PRH1: variants seen among roughly 807,000 people sequenced by gnomAD.
PRH1 encodes the protein proline rich protein HaeIII subfamily 1.
PRH1 carries 7 observed loss-of-function variants against 7.9 expected under a neutral mutation model. The observed-to-expected ratio is 0.89, with a 90% CI of 0.50 to 1.67. The LOEUF (loss-of-function observed/expected upper bound fraction) is 1.67, where lower values mean the gene tolerates loss of function less well. Among genes scored for constraint, PRH1 ranks in the 40% most tolerant of loss-of-function variants. PRH1 has a pLI of 0.00. For missense variants in PRH1, 109 were observed against 223.6 expected, an observed-to-expected ratio of 0.49 and a Z score of 3.27; for synonymous variants, 45 against 80.8, an observed-to-expected ratio of 0.56 and a Z score of 2.38.
chr12:10,945,384 G>C (rs914222392), intron 2 of PRH1, among the ~76,000 whole-genome samples: 2 of 152,132 alleles, frequency 1.3e-5, no homozygotes, highest in Non-Finnish European at 1.5e-5. Flanking sequence ...GTACAAAAGA[G>C]AGAAATTTTA....
chr12:11,044,823 G>C (rs1054313901), intron 1 of PRH1, among the ~76,000 whole-genome samples: 2 of 152,176 alleles, frequency 1.3e-5, no homozygotes, highest in African/African-American at 4.8e-5. Context: ...TGGTGAAGAT[G>C]TGGAGAAACG....
At chr12:10,895,651 A>T (rs1012138818) in intron 2 of PRH1, 1 of 152,180 alleles carries the variant, frequency 6.6e-6, no homozygotes, top group Admixed American at 6.5e-5. Flanking sequence ...GATTCTTAGA[A>T]TCAGGCATTT....
At chr12:10,963,912 G>A (rs1409664584) in intron 2 of PRH1, among the ~76,000 whole-genome samples, 2 of 152,060 alleles carry the variant, frequency 1.3e-5, no homozygotes, top group East Asian at 1.9e-4. Context: ...CTACCCCAAA[G>A]ATAAAACTTC....
At chr12:11,070,438 C>CGTGGG (rs1565619688) in intron 1 of PRH1, among the ~76,000 whole-genome samples, 20 of 65,972 alleles carry the variant, frequency 3.0e-4, no homozygotes, top group Admixed American at 8.2e-4. Flanking sequence ...CACAAGACCC[C>CGTGGG]AGAAGTATAC....
intron 1 of PRH1, among the ~76,000 whole-genome samples, chr12:11,103,132 G>C (rs1216937912): frequency 6.6e-6 from 1 of 152,158 alleles, no homozygotes. Flanking sequence ...AGACAGTGTG[G>C]CGATTCCTCA....
chr12:11,020,088 G>T (rs1941521698), intron 1 of PRH1, among the ~76,000 whole-genome samples: 1 of 152,230 alleles, frequency 6.6e-6, no homozygotes, highest in South Asian at 2.1e-4. Flanking sequence ...CCAAACTTTT[G>T]CTCTGAGAAA....
chr12:11,097,656 T>C lies in PRH1; in HGVS notation n.124-50468A>G, dbSNP rs1471543844. On this transcript the variant is annotated intron_variant and non_coding_transcript_variant, in intron 1 of 4. Transcript: ENST00000541977. ...TATTGTAACTTTCCCACAATGATGATCTTTTTAAAATTACTTATTTTCCAA... is the reference window on the plus strand; with the variant it reads ...TATTGTAACTTTCCCACAATGATGACCTTTTTAAAATTACTTATTTTCCAA... Among the ~76,000 whole-genome samples the C allele has an allele frequency of 3.5e-5, 4 of 114,580 alleles. 1 individual carries two copies. The highest frequency in any genetic ancestry group is 1.2e-4 in the African/African-American group (4 of 34,392). The allele number at this position is 114,580 out of a possible 152,430, so 75.2% of individuals were successfully genotyped here.
At chr12:10,939,992 A>G (rs952993194) in intron 2 of PRH1, among the ~76,000 whole-genome samples, 3 of 152,168 alleles carry the variant, frequency 2.0e-5, no homozygotes, top group African/African-American at 7.2e-5. Flanking sequence ...TGCAAGTAAA[A>G]TATGTCAATT....
intron 1 of PRH1, 23 bp downstream of exon 1, chr12:10,884,131 T>C (rs1304635943): frequency 3.1e-6 from 5 of 1,614,042 alleles, no homozygotes; most frequent in Non-Finnish European, 4.2e-6. Context: ...AGAGTCACAA[T>C]ATCTTCCCCC....
chr12:11,002,880 ATAAT>A (rs1185390740), intron 1 of PRH1, among the ~76,000 whole-genome samples: 3 of 152,100 alleles, frequency 2.0e-5, no homozygotes, highest in Non-Finnish European at 2.9e-5. Context: ...CAACATGAGT[ATAAT>A]TATTTCATTT....
At chr12:10,895,609 T>A (rs894998232) in intron 2 of PRH1, 1 of 152,102 alleles carries the variant, frequency 6.6e-6, no homozygotes, top group African/African-American at 2.4e-5. Context: ...AATAGCTGGA[T>A]CCTGTCCAGA....
intron 1 of PRH1, among the ~76,000 whole-genome samples, chr12:11,009,636 G>T (rs1385984824): frequency 6.6e-6 from 1 of 151,834 alleles, no homozygotes; most frequent in Non-Finnish European, 1.5e-5. Context: ...ACTCTGGTCA[G>T]ATAATAGAAT....
chr12:11,047,492 T>C (rs1282145765), upstream of PRH1, among the ~76,000 whole-genome samples: 2 of 149,908 alleles, frequency 1.3e-5, no homozygotes, highest in African/African-American at 4.9e-5. Flanking sequence ...TAAATGGAAA[T>C]ACTTGACATC....
chr12:11,155,172 T>C (rs1380519562), intron 1 of PRH1, among the ~76,000 whole-genome samples: 1 of 152,222 alleles, frequency 6.6e-6, no homozygotes, highest in Non-Finnish European at 1.5e-5. Flanking sequence ...GATTCAACTT[T>C]GATTACATGC....
intron 1 of PRH1, among the ~76,000 whole-genome samples, chr12:11,148,345 AG>A (rs1368141369): frequency 1.3e-5 from 2 of 151,694 alleles, no homozygotes; most frequent in East Asian, 3.9e-4. Context: ...GTGGTGAGAG[AG>A]GGCATCCCTG....
intron 1 of PRH1, among the ~76,000 whole-genome samples, chr12:11,000,057 G>C (rs530939146): frequency 2.2e-4 from 33 of 152,116 alleles, no homozygotes; most frequent in African/African-American, 7.9e-4. Flanking sequence ...ATCATTTGAT[G>C]CAATTCCTAT....
upstream of PRH1, among the ~76,000 whole-genome samples, chr12:10,887,579 T>C (rs1332398877): frequency 6.7e-6 from 1 of 150,240 alleles, no homozygotes; most frequent in Non-Finnish European, 1.5e-5. Flanking sequence ...TGGGGTGCAG[T>C]GGCATGATCT....
rs1324235591 is a variant in PRH1 at position 11,030,341 on chromosome 12, T to G, written c.-126+16679A>C. The G allele has an allele frequency of 1.9e-6, 3 of 1,546,704 alleles. No homozygotes were observed. The Admixed American group carries it at 6.3e-5, about 33-fold the overall frequency. On this transcript the variant is annotated intron_variant, in intron 1 of 3. Transcript: ENST00000539853. ...AGTATAGAAAAACCAGTAAGAAATATAAAATGTTTCATACACCACCAGTTT... is the reference window on the plus strand; with the variant it reads ...AGTATAGAAAAACCAGTAAGAAATAGAAAATGTTTCATACACCACCAGTTT...
In PRH1 at chr12:10,932,805, T is replaced by C. The variant is rs1950232966; in HGVS notation, c.-59+40850A>G. ...GATTTCATCAAGGCGGCAGCATAAT[T>C]TGAAGGGCAATTGCGTGTGAAAATT... On this transcript the variant is annotated intron_variant, in intron 2 of 3. Coordinates refer to the PRH1 transcript ENST00000539853. 2.6e-5 allele frequency among the ~76,000 whole-genome samples: 4 copies of C among 152,210 alleles called. 1 individual carries two copies. In the South Asian group the frequency reaches 8.3e-4, roughly 32 times the overall value.
Sources: gnomAD v4.1 joint callset for allele counts (sites outside exome capture counted in the v4.1 genomes callset) on GRCh38, gnomAD v4.1.1 for gene constraint, MANE v1.5 for transcripts, NCBI Gene and HGNC (gene_info 2026-07-23, HGNC 2026-07-21) for gene names.